Variants in SAMD3 observed in about 807,000 individuals in gnomAD.
SAMD3 encodes sterile alpha motif domain containing 3, also known as sterile alpha motif domain-containing protein 3.
SAMD3 carries 63 observed loss-of-function variants against 58.5 expected under a neutral mutation model. That is an observed-to-expected ratio of 1.08 (90% CI 0.88 to 1.33). The LOEUF (loss-of-function observed/expected upper bound fraction) is 1.33. Among genes scored for constraint, SAMD3 ranks in the 40% most tolerant of loss-of-function variants. SAMD3 has a pLI of 0.00. For missense variants in SAMD3, 604 were observed against 608.4 expected, an observed-to-expected ratio of 0.99 and a Z score of 0.08; for synonymous variants, 220 against 210.3, an observed-to-expected ratio of 1.05 and a Z score of -0.40.
At chr6:130,294,997 T>C (rs953978183) in intron 2 of SAMD3, among the ~76,000 whole-genome samples, 2 of 142,828 alleles carry the variant, frequency 1.4e-5, no homozygotes, top group African/African-American at 5.5e-5. Context: ...GATCTCACCT[T>C]TCCGCAACCT....
Position 130,291,198 on chromosome 6 carries a change from C to G in SAMD3, c.-188+21780G>C, listed in dbSNP as rs181868514. ...CTCTGCTTCCTGAGTTCAAGTGATT[C>G]TCCTGCCTCAGCCTCCCAAGTAGCA... On this transcript the variant is annotated intron_variant, in intron 2 of 13. Coordinates refer to the SAMD3 transcript ENST00000368134. Among the ~76,000 whole-genome samples the G allele has an allele frequency of 1.6e-4, 25 of 152,320 alleles. No homozygotes were observed. In the East Asian group the frequency reaches 4.8e-3, roughly 29 times the overall value.
intron 2 of SAMD3, among the ~76,000 whole-genome samples, chr6:130,308,368 CT>C (rs1230160350): frequency 2.3e-5 from 2 of 88,674 alleles, no homozygotes; most frequent in African/African-American, 8.9e-5. Context: ...CTATTCTATT[CT>C]ATTCTATTCT....
At chr6:130,143,412 A>T (rs1240034553), downstream of SAMD3, among the ~76,000 whole-genome samples, 1 of 151,998 alleles carries the variant, frequency 6.6e-6, no homozygotes, top group Admixed American at 6.6e-5. Context: ...CACCCGGCTA[A>T]TTTGTTTTTT....
At chr6:130,147,178 A>C (rs1241453306) in intron 9 of SAMD3, among the ~76,000 whole-genome samples, 1 of 152,124 alleles carries the variant, frequency 6.6e-6, no homozygotes, top group African/African-American at 2.4e-5. Context: ...CCCACACTCC[A>C]GTGAATTAAT....
At chr6:130,362,221 C>A (rs1001196018) in intron 1 of SAMD3, among the ~76,000 whole-genome samples, 1 of 152,210 alleles carries the variant, frequency 6.6e-6, no homozygotes, top group African/African-American at 2.4e-5. Flanking sequence ...AGACAGATCA[C>A]TTGAGTATGT....
chr6:130,199,359 T>C (rs1367825776), intron 5 of SAMD3, among the ~76,000 whole-genome samples: 10 of 152,242 alleles, frequency 6.6e-5, no homozygotes, highest in Admixed American at 5.9e-4. Flanking sequence ...CCCAGGTTTA[T>C]ATTATCAACT....
intron 2 of SAMD3, among the ~76,000 whole-genome samples, chr6:130,308,439 T>TATTCTA (rs1562513320): frequency 6.7e-6 from 1 of 148,654 alleles, no homozygotes; most frequent in Non-Finnish European, 1.5e-5. Context: ...TATTCTATTC[T>TATTCTA]TTTGTGTGTG....
At chr6:130,249,042 C>A (rs964881919) in intron 2 of SAMD3, among the ~76,000 whole-genome samples, 2 of 152,138 alleles carry the variant, frequency 1.3e-5, no homozygotes, top group Admixed American at 6.5e-5. Context: ...GAAATCCACC[C>A]TTCCAGAACA....
intron 2 of SAMD3, among the ~76,000 whole-genome samples, chr6:130,269,119 T>A (rs1583030416): frequency 6.6e-6 from 1 of 152,172 alleles, no homozygotes; most frequent in Admixed American, 6.6e-5. Flanking sequence ...CATTTTTGAA[T>A]TAATTTTGGT....
intron 1 of SAMD3, among the ~76,000 whole-genome samples, chr6:130,217,284 AG>A (rs1158839006): frequency 1.3e-5 from 2 of 152,198 alleles, no homozygotes; most frequent in African/African-American, 2.4e-5. Flanking sequence ...TACACCATGA[AG>A]GCATAAACTA....
intron 2 of SAMD3, among the ~76,000 whole-genome samples, chr6:130,270,102 G>C (rs1774506337): frequency 6.6e-6 from 1 of 151,942 alleles, no homozygotes; most frequent in Non-Finnish European, 1.5e-5. Context: ...TCTTTTTTGA[G>C]ACAGAGTGTG....
chr6:130,304,926 C>CTTTTTT (rs777084920), intron 2 of SAMD3, among the ~76,000 whole-genome samples: 6 of 103,376 alleles, frequency 5.8e-5, no homozygotes, highest in African/African-American at 7.9e-5. Flanking sequence ...CATTTTCTTC[C>CTTTTTT]TTTTTTTTTT....
intron 2 of SAMD3, among the ~76,000 whole-genome samples, chr6:130,266,920 C>T (rs1774380165): frequency 6.6e-6 from 1 of 152,102 alleles, no homozygotes; most frequent in African/African-American, 2.4e-5. Flanking sequence ...CATGAGGATA[C>T]CGGACCCCCA....
intron 7 of SAMD3, among the ~76,000 whole-genome samples, chr6:130,176,883 G>A (rs71572910): frequency 0.095 from 14,415 of 152,168 alleles, 1,092 homozygotes; most frequent in African/African-American, 0.21. Flanking sequence ...AGCTCAAGAT[G>A]AGGGAATGAC....
chr6:130,350,912 G>A (rs1777636545), intron 1 of SAMD3, among the ~76,000 whole-genome samples: 1 of 152,004 alleles, frequency 6.6e-6, no homozygotes, highest in African/African-American at 2.4e-5. Flanking sequence ...AGCCCTCAGA[G>A]ATAATGCCGC....
chr6:130,316,666 G>A (rs1271306374), intron 1 of SAMD3, among the ~76,000 whole-genome samples: 4 of 152,004 alleles, frequency 2.6e-5, no homozygotes, highest in Non-Finnish European at 4.4e-5. Flanking sequence ...AATGCATTGG[G>A]GTCAGATTTT....
intron 1 of SAMD3, among the ~76,000 whole-genome samples, chr6:130,350,467 T>G (rs56104207): frequency 0.013 from 2,025 of 152,220 alleles, 48 homozygotes; most frequent in African/African-American, 0.044. Context: ...GAACTCCCAT[T>G]CACAATTGCT....
At chr6:130,194,668 C>T (rs898013054) in intron 5 of SAMD3, among the ~76,000 whole-genome samples, 1 of 152,202 alleles carries the variant, frequency 6.6e-6, no homozygotes, top group Non-Finnish European at 1.5e-5. Context: ...CCCAGAATTC[C>T]TCCTAAGCCG....
At chr6:130,286,558 G>A (rs12333039) in intron 2 of SAMD3, among the ~76,000 whole-genome samples, 47,885 of 151,944 alleles carry the variant, frequency 0.32, 7,699 homozygotes, top group East Asian at 0.45. Flanking sequence ...TGTGGAAACT[G>A]TTCTCTAGGT....
Sources: gnomAD v4.1 joint callset for allele counts (sites outside exome capture counted in the v4.1 genomes callset) on GRCh38, gnomAD v4.1.1 for gene constraint, MANE v1.5 for transcripts, NCBI Gene and HGNC (gene_info 2026-07-23, HGNC 2026-07-21) for gene names.